SPON1: variants seen among roughly 807,000 people sequenced by gnomAD.
SPON1 encodes spondin-1.
A neutral mutation model predicts 111.7 loss-of-function variants in SPON1; 52 were observed. The ratio of observed to expected loss-of-function variants is 0.47; its 90% CI spans 0.37 to 0.59. The LOEUF (loss-of-function observed/expected upper bound fraction) is 0.59, where lower values mean the gene tolerates loss of function less well. Among genes scored for constraint, SPON1 ranks in the 20% least tolerant of loss-of-function variants. The probability of loss-of-function intolerance (pLI) is 0.00; values close to 1 mark genes in which losing one functional copy is unlikely to be tolerated. For missense variants in SPON1, 957 were observed against 1,068.5 expected (o/e 0.90, Z 1.46); for synonymous variants, 410 against 395.8 (o/e 1.04, Z -0.43).
In SPON1 at chr11:14,221,469, G is replaced by A. The variant is rs535450753; in HGVS notation, c.826-21863G>A. 2.4e-4 allele frequency among the ~76,000 whole-genome samples: 37 copies of A among 152,232 alleles called. No homozygotes were observed. In the South Asian group the frequency reaches 7.7e-3, roughly 32 times the overall value. ...GGCCTAGGCTATTTCTACTACACCT[G>A]GAATTTGGACTTAGAACATAAACAC... On this transcript the variant is annotated intron_variant, in intron 6 of 15. Coordinates refer to ENST00000576479, the MANE Select transcript of SPON1 (RefSeq NM_006108.4).
intron 2 of SPON1, among the ~76,000 whole-genome samples, chr11:14,039,044 A>G (rs1848614392): frequency 1.3e-5 from 2 of 152,240 alleles, no homozygotes; most frequent in Admixed American, 1.3e-4. Context: ...AGTCATGAAA[A>G]TACAGAGAGG....
chr11:14,076,276 T>G (rs1193599092), intron 4 of SPON1, among the ~76,000 whole-genome samples: 1 of 152,212 alleles, frequency 6.6e-6, no homozygotes, highest in Non-Finnish European at 1.5e-5. Context: ...CTCATTTCTA[T>G]TTAATTTTGC....
chr11:14,257,643 A>G, intron 10 of SPON1, 73 bp from the exon 11 acceptor site: 1 of 1,388,786 alleles, frequency 7.2e-7, no homozygotes, highest in Non-Finnish European at 9.6e-7. Flanking sequence ...TCCCCAGATA[A>G]GCTGGTATGG....
Position 14,208,565 on chromosome 11 carries a change from T to C in SPON1, c.826-34767T>C, listed in dbSNP as rs962739195. ...TCAAGCTAGTGAGAGTTCTTCATAG[T>C]TCATTACTAATAGCTCCCAAGATCT... On this transcript the variant is annotated intron_variant, in intron 6 of 15. Transcript: ENST00000576479. 3.3e-5 allele frequency among the ~76,000 whole-genome samples: 5 copies of C among 152,206 alleles called. No individual in the cohort carries two copies. The South Asian group carries it at 1.0e-3, about 32-fold the overall frequency.
intron 3 of SPON1, among the ~76,000 whole-genome samples, chr11:14,071,642 T>G (rs1026517587): frequency 6.6e-6 from 1 of 152,202 alleles, no homozygotes; most frequent in African/African-American, 2.4e-5. Flanking sequence ...AATCTTGGAA[T>G]CTAGCACAGG....
At chr11:14,174,169 T>C (rs117616469) in intron 6 of SPON1, among the ~76,000 whole-genome samples, 6 of 152,334 alleles carry the variant, frequency 3.9e-5, no homozygotes, top group Non-Finnish European at 7.3e-5. Flanking sequence ...TGGGAGAAGA[T>C]AGTGCAATGC....
chr11:14,209,507 C>T (rs1457999482), intron 6 of SPON1, among the ~76,000 whole-genome samples: 1 of 152,044 alleles, frequency 6.6e-6, no homozygotes, highest in Non-Finnish European at 1.5e-5. Context: ...TGAGAACATA[C>T]GGTCTTTGGT....
rs1372541077 is a variant in SPON1, at chr11:14,259,560, T to C, written c.1690T>C (p.Trp564Arg). The change falls in exon 13 of 16, where the codon TGG (tryptophan) becomes CGG (arginine). Residue 564 changes from tryptophan to arginine, a missense_variant. Coordinates refer to ENST00000576479, the MANE Select transcript of SPON1 (RefSeq NM_006108.4). The surrounding 1 kb of genome is among the most constrained non-coding windows in gnomAD (Gnocchi z 5.0). ...CSPSSCLMTE[W>R]GEWDECSATC... is the part of the protein sequence containing the mutation. ...TCCCAGCAGCTGCCTGATGACCGAG[T>C]GGGGCGAGTGGGACGAGTGCAGCGC... 3 of 1,553,450 alleles carry C rather than the reference T, an allele frequency of 1.9e-6. No individual in the cohort carries two copies. The African/African-American group carries it at 4.1e-5, about 21-fold the overall frequency.
chr11:14,076,217 A>G (rs902528769), intron 4 of SPON1, among the ~76,000 whole-genome samples: 8 of 152,226 alleles, frequency 5.3e-5, no homozygotes, highest in Non-Finnish European at 8.8e-5. Context: ...AAGTTATTGG[A>G]TAACTAAATA....
chr11:14,003,654 ATTGG>A (rs1848336865), intron 2 of SPON1, among the ~76,000 whole-genome samples: 1 of 152,148 alleles, frequency 6.6e-6, no homozygotes, highest in South Asian at 2.1e-4. Flanking sequence ...CATAAGCACT[ATTGG>A]CATTTGGGCC....
intron 4 of SPON1, among the ~76,000 whole-genome samples, chr11:14,079,501 G>A (rs569354529): frequency 6.6e-6 from 1 of 152,052 alleles, no homozygotes; most frequent in Non-Finnish European, 1.5e-5. Context: ...AAGCACACAT[G>A]TGTATTCCTC....
intron 6 of SPON1, among the ~76,000 whole-genome samples, chr11:14,201,987 T>G (rs561416189): frequency 1.2e-4 from 18 of 152,328 alleles, no homozygotes; most frequent in Admixed American, 4.6e-4. Flanking sequence ...AACTACAAAA[T>G]GGATAAATTA....
At chr11:14,179,958 G>A (rs1848220136) in intron 6 of SPON1, among the ~76,000 whole-genome samples, 2 of 152,014 alleles carry the variant, frequency 1.3e-5, no homozygotes, top group South Asian at 4.1e-4. Flanking sequence ...CGTCCTCACT[G>A]CTAACTACCT....
intron 2 of SPON1, among the ~76,000 whole-genome samples, chr11:14,026,646 TACA>T (rs1448637968): frequency 1.3e-5 from 2 of 152,118 alleles, no homozygotes; most frequent in African/African-American, 4.8e-5. Context: ...ACGCAGAGAA[TACA>T]ACAAGCTTCA....
In SPON1 at chr11:14,145,109, G is replaced by C. The variant is rs558222612; in HGVS notation, c.825+9541G>C. 4.6e-5 allele frequency among the ~76,000 whole-genome samples: 7 copies of C among 152,186 alleles called. No homozygotes were observed. In the East Asian group the frequency reaches 1.3e-3, roughly 29 times the overall value. On this transcript the variant is annotated intron_variant, in intron 6 of 15. Transcript: ENST00000576479. ...TACTCGATACAGAAATTAAGACATT[G>C]TTTGAAAGGTATGATTTGAGTCATA...
At chr11:14,071,483 C>T (rs975438027) in intron 3 of SPON1, among the ~76,000 whole-genome samples, 14 of 152,114 alleles carry the variant, frequency 9.2e-5, no homozygotes, top group African/African-American at 3.4e-4. Flanking sequence ...TCCAGAGTTA[C>T]AATGCCCTAT....
chr11:14,211,190 G>C (rs1462069764), intron 6 of SPON1, among the ~76,000 whole-genome samples: 2 of 152,172 alleles, frequency 1.3e-5, no homozygotes, highest in Non-Finnish European at 2.9e-5. Context: ...AAGTCAAATT[G>C]TCTGTGTTTG....
intron 6 of SPON1, among the ~76,000 whole-genome samples, chr11:14,156,866 CA>C (rs1230601191): frequency 6.6e-6 from 1 of 152,146 alleles, no homozygotes; most frequent in African/African-American, 2.4e-5. Context: ...CACTTTTAAA[CA>C]ACCAAATCTC....
At chr11:14,092,745 C>T (rs1370069039) in intron 5 of SPON1, among the ~76,000 whole-genome samples, 1 of 152,152 alleles carries the variant, frequency 6.6e-6, no homozygotes, top group East Asian at 1.9e-4. Context: ...CCTTTTAAAA[C>T]ACTTCTAATC....
Sources: gnomAD v4.1 joint callset for allele counts (sites outside exome capture counted in the v4.1 genomes callset) on GRCh38, gnomAD v4.1.1 for gene constraint, Gnocchi (gnomAD v3.1) non-coding constraint, MANE v1.5 for transcripts, NCBI Gene and HGNC (gene_info 2026-07-23, HGNC 2026-07-21) for gene names.